Variants in FIGN observed in about 807,000 individuals in gnomAD.
The protein encoded by FIGN is fidgetin, microtubule severing factor.
FIGN carries 11 observed loss-of-function variants against 51.3 expected under a neutral mutation model. The ratio of observed to expected loss-of-function variants is 0.21; its 90% CI spans 0.13 to 0.35. FIGN has a LOEUF of 0.35. Ranked by LOEUF, FIGN falls within the 10% of genes least tolerant of loss-of-function variation. FIGN has a pLI of 1.00. For missense variants in FIGN, 857 were observed against 943.6 expected (o/e 0.91, Z 1.20); for synonymous variants, 407 against 363.2 (o/e 1.12, Z -1.37).
intron 2 of FIGN, chr2:163,612,692 ATG>A (rs10678331): frequency 0.022 from 8,395 of 380,746 alleles, no homozygotes; most frequent in Non-Finnish European, 0.027. Flanking sequence ...AGAGGGGAGA[ATG>A]TGTGTGTGTG....
chr2:163,609,479 C>G lies in FIGN; in HGVS notation c.*73G>C. 3 of 1,303,344 alleles carry G rather than the reference C, an allele frequency of 2.3e-6. No homozygotes were observed. The highest frequency in any genetic ancestry group is 2.0e-5 in the Admixed American group (1 of 49,442). The allele number at this position is 1,303,344 out of a possible 1,614,324, so 80.7% of individuals were successfully genotyped here. A position where few individuals can be genotyped will look rare whatever the true frequency, so the allele number is the denominator to read the frequency against. On this transcript the variant is annotated 3_prime_UTR_variant, in exon 3 of 3. Coordinates refer to ENST00000333129, the MANE Select transcript of FIGN (RefSeq NM_018086.4). ...CAATTTAAACTCTACTGGAAAGGGG[C>G]TCTATTCCCTATGTAGCAGGTTTTA...
chr2:163,687,041 G>T (rs150348332), intron 2 of FIGN, among the ~76,000 whole-genome samples: 341 of 151,988 alleles, frequency 2.2e-3, no homozygotes, highest in African/African-American at 8.0e-3. Flanking sequence ...ACACATACAT[G>T]CACAGCTACA....
chr2:163,701,041 A>G (rs1171371406), intron 2 of FIGN, among the ~76,000 whole-genome samples: 4 of 152,154 alleles, frequency 2.6e-5, no homozygotes, highest in African/African-American at 7.2e-5. Context: ...ATATATCTCT[A>G]TATAAAGATA....
At chr2:163,628,315 TAG>T (rs1463492663) in intron 2 of FIGN, among the ~76,000 whole-genome samples, 6 of 152,110 alleles carry the variant, frequency 3.9e-5, no homozygotes, top group Non-Finnish European at 8.8e-5. Flanking sequence ...TCATTTAGAA[TAG>T]AGAGAGAGGA....
intron 2 of FIGN, among the ~76,000 whole-genome samples, chr2:163,624,677 A>T (rs1399798474): frequency 7.6e-6 from 1 of 130,792 alleles, no homozygotes; most frequent in Non-Finnish European, 1.6e-5. Context: ...TCAAGGAAAG[A>T]TTATATATAC....
At chr2:163,635,207 A>C (rs1291952907) in intron 2 of FIGN, among the ~76,000 whole-genome samples, 1 of 152,210 alleles carries the variant, frequency 6.6e-6, no homozygotes, top group East Asian at 1.9e-4. Flanking sequence ...AATGCTACTG[A>C]ATAAGACTCT....
intron 2 of FIGN, among the ~76,000 whole-genome samples, chr2:163,629,589 T>C (rs1298370204): frequency 2.6e-5 from 4 of 152,126 alleles, no homozygotes; most frequent in Non-Finnish European, 5.9e-5. Flanking sequence ...ACGTCAAATC[T>C]AGCAGGCCAA....
At position 163,604,844 on chromosome 2, in the gene FIGN, G is replaced by A. The variant is rs1691051937; in HGVS notation, c.*4708C>T. Reference sequence around the variant, plus strand: ...AGAGAGAAGAGAGAGGAAGAGGAGAGGAGAGGGATGGAGAGAAGAATGGTT... The same window carrying A: ...AGAGAGAAGAGAGAGGAAGAGGAGAAGAGAGGGATGGAGAGAAGAATGGTT... On this transcript the variant is annotated 3_prime_UTR_variant, in exon 3 of 3. Coordinates refer to ENST00000333129, the MANE Select transcript of FIGN (RefSeq NM_018086.4). 6.6e-6 allele frequency: 1 copy of A among 150,692 alleles called. No individual in the cohort carries two copies. The highest frequency in any genetic ancestry group is 2.1e-4 in the South Asian group (1 of 4,756). The allele number at this position is 150,692 out of a possible 1,614,324, so 9.3% of individuals were successfully genotyped here.
rs2231900 is a variant in FIGN, at chr2:163,611,824, A to G, written c.26-18T>C. ...CTTCAAGCCTAAGAATTTTGGGGGG[A>G]AAAGAGTTAATTTACTTAAATAGGC... On this transcript the variant is annotated intron_variant, in intron 2 of 2. Coordinates refer to ENST00000333129, the MANE Select transcript of FIGN (RefSeq NM_018086.4). 2,459 of 1,580,516 alleles carry G rather than the reference A, an allele frequency of 1.6e-3. 34 individuals carry two copies. In the African/African-American group the frequency reaches 0.029, roughly 19 times the overall value.
intron 2 of FIGN, among the ~76,000 whole-genome samples, chr2:163,635,094 C>T (rs894845816): frequency 3.3e-5 from 5 of 152,118 alleles, no homozygotes; most frequent in Non-Finnish European, 7.4e-5. Context: ...GCTATTAATA[C>T]CTACTATGTG....
chr2:163,721,009 A>ACTTCC (rs1684748773), intron 2 of FIGN, among the ~76,000 whole-genome samples: 1 of 152,126 alleles, frequency 6.6e-6, no homozygotes, highest in Non-Finnish European at 1.5e-5. Flanking sequence ...AAGGGAAGGA[A>ACTTCC]GGAGGAAGCA....
At chr2:163,651,434 C>A (rs937331458) in intron 2 of FIGN, among the ~76,000 whole-genome samples, 8 of 152,040 alleles carry the variant, frequency 5.3e-5, no homozygotes, top group Non-Finnish European at 7.4e-5. Flanking sequence ...CCAGCCTGAG[C>A]GACACAGTGA....
intron 2 of FIGN, among the ~76,000 whole-genome samples, chr2:163,699,470 A>G (rs1204724574): frequency 1.3e-5 from 2 of 149,718 alleles, no homozygotes; most frequent in African/African-American, 4.9e-5. Context: ...AAATATTACA[A>G]TTTTAGGTTA....
Position 163,607,268 on chromosome 2 carries a change from C to T in FIGN, c.*2284G>A, listed in dbSNP as rs539894594. On this transcript the variant is annotated 3_prime_UTR_variant, in exon 3 of 3. Coordinates refer to ENST00000333129, the MANE Select transcript of FIGN (RefSeq NM_018086.4). ...CTTACAAGGGATGCACAGGGTAGAC[C>T]CAGAACACGATTGTAGCATTTATTC... is the stretch of plus-strand genomic sequence containing the variant. The T allele has an allele frequency of 2.4e-4, 37 of 152,152 alleles. No individual in the cohort carries two copies. The highest frequency in any genetic ancestry group is 8.7e-4 in the African/African-American group (36 of 41,516). The allele number at this position is 152,152 out of a possible 1,614,324, so 9.4% of individuals were successfully genotyped here.
At chr2:163,611,912 A>T in intron 2 of FIGN, 106 bp from the exon 3 acceptor site, 1 of 687,710 alleles carries the variant, frequency 1.5e-6, no homozygotes. Flanking sequence ...CATTAATGAT[A>T]TGCATACTTT....
chr2:163,645,952 C>T (rs1683374883), intron 2 of FIGN, among the ~76,000 whole-genome samples: 1 of 152,152 alleles, frequency 6.6e-6, no homozygotes, highest in Non-Finnish European at 1.5e-5. Context: ...AAATCCAGAA[C>T]CTGGACTATA....
chr2:163,681,231 T>C (rs563045345), intron 2 of FIGN, among the ~76,000 whole-genome samples: 1 of 152,322 alleles, frequency 6.6e-6, no homozygotes, highest in East Asian at 1.9e-4. Flanking sequence ...GAAAGAATCC[T>C]ATACTAAAGC....
chr2:163,725,607 C>A (rs2105365870), intron 2 of FIGN, among the ~76,000 whole-genome samples: 1 of 151,752 alleles, frequency 6.6e-6, no homozygotes, highest in African/African-American at 2.4e-5. Flanking sequence ...TATGAACAAA[C>A]CTATATTATA....
At chr2:163,636,226 T>G (rs1683222625) in intron 2 of FIGN, among the ~76,000 whole-genome samples, 1 of 152,210 alleles carries the variant, frequency 6.6e-6, no homozygotes, top group Admixed American at 6.5e-5. Context: ...ATTAAACTGT[T>G]TGCTACAACA....
Sources: gnomAD v4.1 joint callset for allele counts (sites outside exome capture counted in the v4.1 genomes callset) on GRCh38, gnomAD v4.1.1 for gene constraint, MANE v1.5 for transcripts, NCBI Gene and HGNC (gene_info 2026-07-23, HGNC 2026-07-21) for gene names.